The following GRAMD2B variants were observed in gnomAD, a reference collection of about 807,000 sequenced individuals.
The protein encoded by GRAMD2B is GRAM domain containing 2B, also known as GRAM domain-containing protein 2B.
Under a neutral mutation model 59.2 loss-of-function variants are expected in GRAMD2B, and 41 were observed. That is an observed-to-expected ratio of 0.69 (90% CI 0.54 to 0.90). The LOEUF (loss-of-function observed/expected upper bound fraction) is 0.90, where lower values mean the gene tolerates loss of function less well. Among genes scored for constraint, GRAMD2B ranks in the 40% least tolerant of loss-of-function variants. GRAMD2B has a pLI of 0.00. For missense variants in GRAMD2B, 424 were observed against 500.5 expected (o/e 0.85, Z 1.46); for synonymous variants, 161 against 182.7 (o/e 0.88, Z 0.96).
At chr5:126,439,156 C>A (rs990432227) in intron 1 of GRAMD2B, among the ~76,000 whole-genome samples, 3 of 151,982 alleles carry the variant, frequency 2.0e-5, no homozygotes, top group African/African-American at 7.3e-5. Context: ...TGGCAAAGTC[C>A]TCAAGAAAGA....
intron 8 of GRAMD2B, 116 bp downstream of exon 8, chr5:126,480,823 G>C (rs1771584345): frequency 1.2e-6 from 1 of 826,280 alleles, no homozygotes; most frequent in Admixed American, 2.1e-5. Flanking sequence ...AATATTTGAG[G>C]TACAGTTGAA....
chr5:126,440,596 C>G (rs1763128300), intron 1 of GRAMD2B, among the ~76,000 whole-genome samples: 1 of 151,970 alleles, frequency 6.6e-6, no homozygotes, highest in Non-Finnish European at 1.5e-5. Flanking sequence ...AGCCCCTGAT[C>G]AATCAAGTAT....
At chr5:126,461,563 G>A (rs1049785071) in intron 1 of GRAMD2B, among the ~76,000 whole-genome samples, 1 of 152,192 alleles carries the variant, frequency 6.6e-6, no homozygotes, top group Non-Finnish European at 1.5e-5. Flanking sequence ...ACTTTGGGAG[G>A]CCGAAGCAGG....
upstream of GRAMD2B, among the ~76,000 whole-genome samples, chr5:126,369,591 C>A (rs1485862323): frequency 6.6e-6 from 1 of 152,002 alleles, no homozygotes; most frequent in Non-Finnish European, 1.5e-5. Flanking sequence ...AAGCAAGGAC[C>A]CATTTTTTAA....
chr5:126,453,687 T>C (rs553718837), intron 1 of GRAMD2B, among the ~76,000 whole-genome samples: 1 of 152,224 alleles, frequency 6.6e-6, no homozygotes, highest in Non-Finnish European at 1.5e-5. Flanking sequence ...CTTTTCAAGT[T>C]TCCATATGGT....
chr5:126,425,087 A>G (rs73783692), intron 1 of GRAMD2B, among the ~76,000 whole-genome samples: 1 of 152,124 alleles, frequency 6.6e-6, no homozygotes. Flanking sequence ...TTGCAACCTC[A>G]CTTCCTAATA....
chr5:126,418,308 G>A (rs759415713), intron 1 of GRAMD2B, among the ~76,000 whole-genome samples: 1 of 152,212 alleles, frequency 6.6e-6, no homozygotes, highest in Non-Finnish European at 1.5e-5. Context: ...AGATATTAAT[G>A]TATTGTTTCT....
chr5:126,372,070 G>T (rs1420999084), intron 1 of GRAMD2B, among the ~76,000 whole-genome samples: 1 of 151,882 alleles, frequency 6.6e-6, no homozygotes, highest in Admixed American at 6.6e-5. Context: ...TAGCAGTTTT[G>T]GCCAATTTCA....
intron 1 of GRAMD2B, among the ~76,000 whole-genome samples, chr5:126,410,028 G>C (rs1021612687): frequency 7.9e-5 from 12 of 151,536 alleles, no homozygotes; most frequent in African/African-American, 2.9e-4. Context: ...TGAGGGCTCT[G>C]TTCTGTTCCA....
chr5:126,492,648 G>A (rs1206898818), intron 13 of GRAMD2B, among the ~76,000 whole-genome samples: 2 of 152,112 alleles, frequency 1.3e-5, no homozygotes, highest in African/African-American at 4.8e-5. Flanking sequence ...TTGAGCCCAG[G>A]AAGTCAGGGC....
chr5:126,394,150 C>A (rs1475159931), intron 1 of GRAMD2B, among the ~76,000 whole-genome samples: 1 of 151,774 alleles, frequency 6.6e-6, no homozygotes, highest in Non-Finnish European at 1.5e-5. Context: ...TGGCGGGTGC[C>A]TGTAGTCCCA....
At chr5:126,460,660 C>G (rs2126747850) in intron 1 of GRAMD2B, among the ~76,000 whole-genome samples, 1 of 152,284 alleles carries the variant, frequency 6.6e-6, no homozygotes, top group South Asian at 2.1e-4. Flanking sequence ...CTTTGCTTCC[C>G]AAGTATCGTG....
chr5:126,446,522 C>T (rs1205363620), intron 1 of GRAMD2B, among the ~76,000 whole-genome samples: 3 of 151,500 alleles, frequency 2.0e-5, no homozygotes, highest in Non-Finnish European at 4.4e-5. Flanking sequence ...CAGCAGTAAC[C>T]GTGACTGATT....
chr5:126,383,135 A>G (rs1157204900), intron 1 of GRAMD2B, among the ~76,000 whole-genome samples: 1 of 152,218 alleles, frequency 6.6e-6, no homozygotes, highest in Admixed American at 6.5e-5. Context: ...TATTTTTTAA[A>G]TGAAGTTTTA....
intron 10 of GRAMD2B, 145 bp downstream of exon 10, chr5:126,484,669 T>C (rs1195122726): frequency 1.3e-6 from 1 of 745,162 alleles, no homozygotes; most frequent in Non-Finnish European, 2.0e-6. Flanking sequence ...CTGCAACCTC[T>C]GCCTCTTGGA....
At chr5:126,384,729 A>G (rs1161876435) in intron 1 of GRAMD2B, among the ~76,000 whole-genome samples, 1 of 152,090 alleles carries the variant, frequency 6.6e-6, no homozygotes, top group Non-Finnish European at 1.5e-5. Context: ...CTATGCACGC[A>G]CTCTGGTTCA....
chr5:126,440,244 G>A (rs35171120), intron 1 of GRAMD2B, among the ~76,000 whole-genome samples: 30,217 of 152,028 alleles, frequency 0.2, 3,178 homozygotes, highest in Non-Finnish European at 0.24. Context: ...TGAATAAATG[G>A]AGTTTACCTT....
At chr5:126,441,442 T>A (rs1052611283) in intron 1 of GRAMD2B, among the ~76,000 whole-genome samples, 2 of 152,240 alleles carry the variant, frequency 1.3e-5, no homozygotes, top group African/African-American at 4.8e-5. Flanking sequence ...CAGGATTGAC[T>A]CAGGGCCCCC....
rs114791646 is a variant in GRAMD2B at position 126,461,830 on chromosome 5, C to T, written c.84-3596C>T. On this transcript the variant is annotated intron_variant, in intron 1 of 13. Transcript: ENST00000285689. The stretch of plus-strand genomic sequence containing the variant: ...AAATAAATAAATAAAAATAAAAATG[C>T]TCTCCCCTAATAGGTGAAGTCAGGT... Among the ~76,000 whole-genome samples, 380 of 152,190 alleles carry T rather than the reference C, an allele frequency of 2.5e-3. 1 individual carries two copies. The highest frequency in any genetic ancestry group is 8.6e-3 in the African/African-American group (357 of 41,506).
Sources: gnomAD v4.1 joint callset for allele counts (sites outside exome capture counted in the v4.1 genomes callset) on GRCh38, gnomAD v4.1.1 for gene constraint, MANE v1.5 for transcripts, NCBI Gene and HGNC (gene_info 2026-07-23, HGNC 2026-07-21) for gene names.